The following VSIG10 variants were observed in gnomAD, a reference collection of about 807,000 sequenced individuals.
The protein encoded by VSIG10 is V-set and immunoglobulin domain containing 10, also known as V-set and immunoglobulin domain-containing protein 10.
A neutral mutation model predicts 58.7 loss-of-function variants in VSIG10; 48 were observed. That is an observed-to-expected ratio of 0.82 (90% CI 0.65 to 1.04). VSIG10 has a LOEUF of 1.04. Among genes scored for constraint, VSIG10 ranks in the 50% least tolerant of loss-of-function variants. The pLI, the probability that VSIG10 is intolerant of heterozygous loss-of-function variation, is 0.00. For synonymous variants in VSIG10, 260 were observed against 267.1 expected (o/e 0.97, Z 0.26); for missense variants, 628 against 670.0 (o/e 0.94, Z 0.69).
intron 5 of VSIG10, among the ~76,000 whole-genome samples, chr12:118,071,893 G>A (rs542277587): frequency 6.6e-6 from 1 of 152,378 alleles, no homozygotes; most frequent in East Asian, 1.9e-4. Flanking sequence ...CTAGAGCCCG[G>A]GCGCAGTGGC....
chr12:118,095,211 T>G (rs2033413077), intron 2 of VSIG10, among the ~76,000 whole-genome samples: 1 of 152,104 alleles, frequency 6.6e-6, no homozygotes, highest in East Asian at 1.9e-4. Context: ...CCGGCATTTT[T>G]TGTATTTTTA....
chr12:118,065,431 T>G lies in VSIG10; in HGVS notation c.*1208A>C, dbSNP rs1040801741. 2 of 152,236 alleles carry G rather than the reference T, an allele frequency of 1.3e-5. No individual in the cohort carries two copies. Among genetic ancestry groups the G allele is most frequent in the Non-Finnish European group, 2.9e-5 (2 of 68,054 alleles). 9.4% of individuals were successfully genotyped at this position (152,236 alleles called of 1,614,324 possible). A position where few individuals can be genotyped will look rare whatever the true frequency, so the allele number is the denominator to read the frequency against. ...CACTTCCTATTACCAGCTCCCTAACTCTTTTTAAAAGAATTCTATCTCCAG... is the reference window on the plus strand; with the variant it reads ...CACTTCCTATTACCAGCTCCCTAACGCTTTTTAAAAGAATTCTATCTCCAG... On this transcript the variant is annotated 3_prime_UTR_variant, in exon 9 of 9. Transcript: ENST00000359236.
chr12:118,087,931 C>A (rs1215113343), intron 2 of VSIG10, among the ~76,000 whole-genome samples: 1 of 151,206 alleles, frequency 6.6e-6, no homozygotes, highest in Non-Finnish European at 1.5e-5. Context: ...AGTCCCTAAC[C>A]CACAGCAAGA....
intron 3 of VSIG10, among the ~76,000 whole-genome samples, chr12:118,081,289 T>C (rs1329597697): frequency 1.3e-5 from 2 of 152,140 alleles, no homozygotes; most frequent in African/African-American, 2.4e-5. Flanking sequence ...CAGGTGATGG[T>C]TGCATAAATG....
chr12:118,093,812 G>A (rs910929079), intron 2 of VSIG10, among the ~76,000 whole-genome samples: 2 of 152,108 alleles, frequency 1.3e-5, no homozygotes, highest in Admixed American at 6.6e-5. Flanking sequence ...GGGAGGCTGA[G>A]GCAGGAGAAT....
At chr12:118,079,630 T>G in intron 3 of VSIG10, 24 bp from the exon 4 acceptor site, 4 of 1,612,298 alleles carry the variant, frequency 2.5e-6, no homozygotes, top group Non-Finnish European at 3.4e-6. Context: ...GAGGAAAGCA[T>G]GGGCTGAATC....
At chr12:118,089,857 G>A (rs1261369225) in intron 2 of VSIG10, among the ~76,000 whole-genome samples, 1 of 151,992 alleles carries the variant, frequency 6.6e-6, no homozygotes, top group African/African-American at 2.4e-5. Flanking sequence ...GGCCACTGTC[G>A]CCACCCTGTC....
rs532351741 is a variant in VSIG10 at position 118,063,973 on chromosome 12, A to T, written c.*2666T>A. On this transcript the variant is annotated 3_prime_UTR_variant, in exon 9 of 9. Transcript: ENST00000359236. ...ACCAGGGTTTGAGAAAAACAAGAAA[A>T]AAGTCAGTTGCAATGGACCTGAAGT... is the stretch of plus-strand genomic sequence containing the variant. 6.6e-6 allele frequency: 1 copy of T among 152,320 alleles called. No individual in the cohort carries two copies. The highest frequency in any genetic ancestry group is 2.1e-4 in the South Asian group (1 of 4,820). The allele number at this position is 152,320 out of a possible 1,614,324, so 9.4% of individuals were successfully genotyped here.
chr12:118,103,522 G>T lies in VSIG10; in HGVS notation c.79+71C>A, dbSNP rs533453865. On this transcript the variant is annotated intron_variant, in intron 1 of 8. Transcript: ENST00000359236. ...TCCGGGCGGAGTCGGAGGGAATTGG[G>T]TCTCTCGCTGTCCCCTCCCCACCGC... 641 of 1,415,258 alleles carry T rather than the reference G, an allele frequency of 4.5e-4. 4 individuals are homozygous for T. The African/African-American group carries it at 8.5e-3, about 19-fold the overall frequency. 87.7% of individuals were successfully genotyped at this position (1,415,258 alleles called of 1,614,324 possible).
chr12:118,090,344 C>A (rs1269531606), intron 2 of VSIG10, among the ~76,000 whole-genome samples: 1 of 152,198 alleles, frequency 6.6e-6, no homozygotes, highest in African/African-American at 2.4e-5. Context: ...GTCAGTCAAA[C>A]TGGGCTAGTG....
intron 2 of VSIG10, among the ~76,000 whole-genome samples, chr12:118,091,097 T>A (rs775211191): frequency 1.2e-3 from 183 of 152,242 alleles, no homozygotes; most frequent in Non-Finnish European, 2.4e-3. Context: ...GTGGCGCCAC[T>A]GTATTCCAGC....
rs553993637 is a variant in VSIG10 at position 118,103,398 on chromosome 12, C to G, written c.79+195G>C. Among the ~76,000 whole-genome samples the G allele has an allele frequency of 2.0e-4, 31 of 152,264 alleles. No individual in the cohort carries two copies. The East Asian group carries it at 5.6e-3, about 28-fold the overall frequency. On this transcript the variant is annotated intron_variant, in intron 1 of 8. Coordinates refer to ENST00000359236, the MANE Select transcript of VSIG10 (RefSeq NM_019086.6). ...GAGGCTGGGGGTATCTCGCCCCGCA[C>G]CGGGCGCCCGGGAAAACTCCTTCCT... is the stretch of plus-strand genomic sequence containing the variant.
intron 3 of VSIG10, 63 bp downstream of exon 3, chr12:118,082,064 C>A: frequency 7.1e-7 from 1 of 1,418,312 alleles, no homozygotes; most frequent in Non-Finnish European, 9.5e-7. Context: ...CACAAACGTG[C>A]AGTTCATAAG....
rs981622182 is a variant in VSIG10, at chr12:118,103,666, G to A, written c.6C>T (p.Ala2=). The part of the protein sequence containing the change: M[A]AGGSAPEPRV... ...GGGGCTCGGGCGCACTGCCGCCTGC[G>A]GCCATCTCGCCCCAGATCCCGGCTC... The change falls in exon 1 of 9, where the codon GCC becomes GCT. Residue 2 remains alanine, a synonymous_variant. Coordinates refer to ENST00000359236, the MANE Select transcript of VSIG10 (RefSeq NM_019086.6). 9.8e-5 allele frequency: 147 copies of A among 1,495,862 alleles called. No individual in the cohort carries two copies. The Admixed American group carries it at 2.3e-3, about 23-fold the overall frequency. The allele number at this position is 1,495,862 out of a possible 1,614,324, so 92.7% of individuals were successfully genotyped here. A position where few individuals can be genotyped will look rare whatever the true frequency, so the allele number is the denominator to read the frequency against.
At position 118,065,764 on chromosome 12, in the gene VSIG10, T is replaced by C. The variant is rs1017837835; in HGVS notation, c.*875A>G. Reference sequence around the variant, plus strand: ...TCAATGAATGGATCTTACAAAGATGTTTTTCAATAAATGGAAGGAAAGATG... The same window carrying C: ...TCAATGAATGGATCTTACAAAGATGCTTTTCAATAAATGGAAGGAAAGATG... On this transcript the variant is annotated 3_prime_UTR_variant, in exon 9 of 9. Coordinates refer to ENST00000359236, the MANE Select transcript of VSIG10 (RefSeq NM_019086.6). The C allele has an allele frequency of 1.3e-5, 2 of 152,248 alleles. No individual in the cohort carries two copies. Among genetic ancestry groups the C allele is most frequent in the Non-Finnish European group, 2.9e-5 (2 of 68,048 alleles). 9.4% of individuals were successfully genotyped at this position (152,248 alleles called of 1,614,324 possible).
intron 4 of VSIG10, among the ~76,000 whole-genome samples, chr12:118,078,092 A>C (rs777788074): frequency 3.3e-5 from 5 of 152,200 alleles, no homozygotes; most frequent in Non-Finnish European, 7.3e-5. Context: ...GTAAGGCCTA[A>C]TGGAAGGTGT....
Position 118,064,441 on chromosome 12 carries a change from T to TG in VSIG10, c.*2197_*2198insC, listed in dbSNP as rs1208819922. 4.0e-5 allele frequency: 6 copies of TG among 151,694 alleles called. No homozygotes were observed. The highest frequency in any genetic ancestry group is 1.5e-5 in the Non-Finnish European group (1 of 67,934). The allele number at this position is 151,694 out of a possible 1,614,324, so 9.4% of individuals were successfully genotyped here. On this transcript the variant is annotated 3_prime_UTR_variant, in exon 9 of 9. Coordinates refer to ENST00000359236, the MANE Select transcript of VSIG10 (RefSeq NM_019086.6). ...TTCTCTGTGTTCCTAGCTAGGGTTT[T>TG]TTTTTTTTTTCACCTCAACAGTTTT...
At chr12:118,095,478 C>A (rs2033420847) in intron 2 of VSIG10, 55 bp downstream of exon 2, 3 of 1,598,500 alleles carry the variant, frequency 1.9e-6, no homozygotes, top group South Asian at 1.1e-5. Context: ...ATGGTCTCCT[C>A]CTTTCCAAGG....
chr12:118,079,903 G>C (rs866699194), intron 3 of VSIG10, among the ~76,000 whole-genome samples: 3 of 152,112 alleles, frequency 2.0e-5, no homozygotes, highest in Non-Finnish European at 4.4e-5. Flanking sequence ...GTGCAATCTC[G>C]GCTCACTGTA....
Sources: allele counts gnomAD v4.1 joint callset (sites outside exome capture counted in the v4.1 genomes callset), GRCh38; gene constraint gnomAD v4.1.1; transcripts MANE v1.5; gene names NCBI Gene and HGNC (gene_info 2026-07-23, HGNC 2026-07-21).